The following SLC24A3 variants were observed in gnomAD, a reference collection of about 807,000 sequenced individuals.
The protein encoded by SLC24A3 is sodium/potassium/calcium exchanger 3.
SLC24A3 carries 28 observed loss-of-function variants against 75.8 expected under a neutral mutation model. That is an observed-to-expected ratio of 0.37 (90% CI 0.27 to 0.51). The LOEUF is 0.51. SLC24A3 is among the 20% of genes least tolerant of loss of function. SLC24A3 has a pLI of 0.94. For missense variants in SLC24A3, 663 were observed against 847.8 expected, an observed-to-expected ratio of 0.78 and a Z score of 2.71; for synonymous variants, 372 against 334.1, an observed-to-expected ratio of 1.11 and a Z score of -1.24.
intron 2 of SLC24A3, among the ~76,000 whole-genome samples, chr20:19,381,446 C>A (rs1986180402): frequency 6.6e-6 from 1 of 152,076 alleles, no homozygotes; most frequent in African/African-American, 2.4e-5. Context: ...GCACTGTGAG[C>A]CAAGCTCTGA....
chr20:19,405,386 AGTTACT>A (rs1177746461), intron 2 of SLC24A3, among the ~76,000 whole-genome samples: 12 of 152,214 alleles, frequency 7.9e-5, no homozygotes, highest in African/African-American at 2.9e-4. Context: ...GGAAAGTAAA[AGTTACT>A]GTTAGGAAAA....
chr20:19,532,508 A>G (rs2030321212), intron 3 of SLC24A3, among the ~76,000 whole-genome samples: 1 of 152,196 alleles, frequency 6.6e-6, no homozygotes. Context: ...TGGGGTAGCT[A>G]TGGCAGAGCC....
chr20:19,374,793 G>C (rs1433091309), intron 2 of SLC24A3, among the ~76,000 whole-genome samples: 1 of 152,122 alleles, frequency 6.6e-6, no homozygotes, highest in Non-Finnish European at 1.5e-5. Flanking sequence ...TCTTATCAGG[G>C]CATCTGCATT....
At chr20:19,230,903 T>A (rs1297971595) in intron 1 of SLC24A3, among the ~76,000 whole-genome samples, 1 of 152,202 alleles carries the variant, frequency 6.6e-6, no homozygotes, top group Non-Finnish European at 1.5e-5. Context: ...CATCCCAGAA[T>A]GCCTGTTCAG....
chr20:19,547,341 G>A (rs1395063061), intron 3 of SLC24A3, among the ~76,000 whole-genome samples: 9 of 152,184 alleles, frequency 5.9e-5, no homozygotes, highest in Admixed American at 5.9e-4. Flanking sequence ...GCAAACTAAT[G>A]AGGCAAAATG....
At chr20:19,495,611 C>G (rs1384324645) in intron 2 of SLC24A3, among the ~76,000 whole-genome samples, 1 of 152,182 alleles carries the variant, frequency 6.6e-6, no homozygotes, top group African/African-American at 2.4e-5. Context: ...CAAGGCTGGC[C>G]AAAATGTGTG....
chr20:19,311,391 C>T (rs1332708145), intron 2 of SLC24A3, among the ~76,000 whole-genome samples: 1 of 152,180 alleles, frequency 6.6e-6, no homozygotes, highest in Non-Finnish European at 1.5e-5. Flanking sequence ...CTTCAGCTTT[C>T]ATGCTGGTCC....
At chr20:19,499,450 C>G (rs1175701747) in intron 2 of SLC24A3, among the ~76,000 whole-genome samples, 4 of 152,148 alleles carry the variant, frequency 2.6e-5, no homozygotes, top group African/African-American at 9.7e-5. Context: ...AGAGGGGAAA[C>G]AAACTCTCTC....
At chr20:19,651,100 TG>T (rs1045622707) in intron 6 of SLC24A3, among the ~76,000 whole-genome samples, 5 of 152,172 alleles carry the variant, frequency 3.3e-5, no homozygotes, top group African/African-American at 1.2e-4. Context: ...CTTGGTATTA[TG>T]TTTTATTGTA....
chr20:19,540,644 T>A (rs2030480087), intron 3 of SLC24A3, among the ~76,000 whole-genome samples: 1 of 152,242 alleles, frequency 6.6e-6, no homozygotes, highest in African/African-American at 2.4e-5. Flanking sequence ...TGGTTAGTAC[T>A]GCATGAAGCC....
intron 2 of SLC24A3, among the ~76,000 whole-genome samples, chr20:19,437,776 C>T (rs1987231472): frequency 6.6e-6 from 1 of 152,180 alleles, no homozygotes; most frequent in Non-Finnish European, 1.5e-5. Flanking sequence ...CAGGGAGCTC[C>T]TGTGCTCCTC....
intron 3 of SLC24A3, among the ~76,000 whole-genome samples, chr20:19,518,467 G>T (rs1600262814): frequency 6.6e-6 from 1 of 152,352 alleles, no homozygotes; most frequent in South Asian, 2.1e-4. Context: ...TGTCAGGAAG[G>T]CCAGGTGGTG....
At chr20:19,344,761 A>G (rs1600439592) in intron 2 of SLC24A3, among the ~76,000 whole-genome samples, 1 of 152,220 alleles carries the variant, frequency 6.6e-6, no homozygotes, top group Non-Finnish European at 1.5e-5. Context: ...GCTTCTCCAC[A>G]TAATGGATGG....
At chr20:19,463,460 G>T (rs572757596) in intron 2 of SLC24A3, among the ~76,000 whole-genome samples, 1 of 152,132 alleles carries the variant, frequency 6.6e-6, no homozygotes, top group Non-Finnish European at 1.5e-5. Flanking sequence ...TTTTCTATTC[G>T]CAAGTATCAA....
At chr20:19,693,721 C>A in intron 13 of SLC24A3, 1 of 291,218 alleles carries the variant, frequency 3.4e-6, no homozygotes, top group Admixed American at 4.6e-5. Flanking sequence ...ATGTCTACTC[C>A]ACGTGTCTGC....
intron 6 of SLC24A3, among the ~76,000 whole-genome samples, chr20:19,609,922 T>C (rs2031649015): frequency 6.6e-6 from 1 of 151,718 alleles, no homozygotes; most frequent in Non-Finnish European, 1.5e-5. Context: ...TGCCAACAAA[T>C]GGAACAGACT....
In SLC24A3 at chr20:19,614,467, G is replaced by T. The variant is rs573135512; in HGVS notation, c.612+28923G>T. The stretch of plus-strand genomic sequence containing the variant: ...CCTCTCCTGGAAGCTGTCCCTTAGT[G>T]CCACAGGCCCATTGATTCTCCTTCC... On this transcript the variant is annotated intron_variant, in intron 6 of 16. Transcript: ENST00000328041. 6.7e-4 allele frequency among the ~76,000 whole-genome samples: 102 copies of T among 152,332 alleles called. 1 individual carries two copies. In the South Asian group the frequency reaches 9.9e-3, roughly 15 times the overall value.
At chr20:19,360,695 T>C (rs2122339462) in intron 2 of SLC24A3, among the ~76,000 whole-genome samples, 1 of 152,392 alleles carries the variant, frequency 6.6e-6, no homozygotes, top group Non-Finnish European at 1.5e-5. Context: ...CAACATGTGA[T>C]TGTCAACATC....
chr20:19,686,702 A>G (rs2032679972), intron 12 of SLC24A3, among the ~76,000 whole-genome samples: 1 of 152,150 alleles, frequency 6.6e-6, no homozygotes, highest in South Asian at 2.1e-4. Flanking sequence ...TTCTGTCCAG[A>G]GGACAGCAAG....
Sources: allele counts gnomAD v4.1 joint callset (sites outside exome capture counted in the v4.1 genomes callset), GRCh38; gene constraint gnomAD v4.1.1; transcripts MANE v1.5; gene names NCBI Gene and HGNC (gene_info 2026-07-23, HGNC 2026-07-21).